The following SPAST variants were observed in gnomAD, a reference collection of about 807,000 sequenced individuals.
SPAST encodes the protein spastin.
SPAST carries 30 observed loss-of-function variants against 76.6 expected under a neutral mutation model. The ratio of observed to expected loss-of-function variants is 0.39; its 90% CI spans 0.29 to 0.53. The LOEUF is 0.53. Ranked by LOEUF, SPAST falls within the 20% of genes least tolerant of loss-of-function variation. The pLI, the probability that SPAST is intolerant of heterozygous loss-of-function variation, is 0.68. For synonymous variants in SPAST, 305 were observed against 281.0 expected, an observed-to-expected ratio of 1.09 and a Z score of -0.86; for missense variants, 717 against 770.5, an observed-to-expected ratio of 0.93 and a Z score of 0.82.
chr2:32,064,601 C>G (rs1676435551), intron 1 of SPAST, among the ~76,000 whole-genome samples: 1 of 152,120 alleles, frequency 6.6e-6, no homozygotes, highest in Non-Finnish European at 1.5e-5. Context: ...GCAGCTTCCT[C>G]TGAACCAAGG....
At chr2:32,080,633 C>G (rs1677183466) in intron 1 of SPAST, among the ~76,000 whole-genome samples, 1 of 152,020 alleles carries the variant, frequency 6.6e-6, no homozygotes, top group Non-Finnish European at 1.5e-5. Context: ...CTTTTGTGCA[C>G]TGGAGACCAT....
chr2:32,083,063 C>G (rs1214285569), intron 1 of SPAST, among the ~76,000 whole-genome samples: 1 of 151,988 alleles, frequency 6.6e-6, no homozygotes, highest in East Asian at 1.9e-4. Context: ...CCTCTGCCTC[C>G]CCGGTTCAAG....
At chr2:32,078,761 CA>C (rs1370225299) in intron 1 of SPAST, among the ~76,000 whole-genome samples, 4 of 152,186 alleles carry the variant, frequency 2.6e-5, no homozygotes, top group African/African-American at 9.7e-5. Context: ...CTTACATAAA[CA>C]TAAATATTCA....
chr2:32,091,939 A>G (rs1677735765), intron 3 of SPAST, among the ~76,000 whole-genome samples: 3 of 152,312 alleles, frequency 2.0e-5, no homozygotes, highest in Middle Eastern at 6.8e-3. Flanking sequence ...GCTAATAATA[A>G]TATCTCATAT....
chr2:32,073,005 T>G (rs1676813332), intron 1 of SPAST, among the ~76,000 whole-genome samples: 1 of 152,232 alleles, frequency 6.6e-6, no homozygotes, highest in Admixed American at 6.5e-5. Context: ...TCAAGATTAT[T>G]TACTGGCATC....
At chr2:32,126,826 TTAAAGC>T in intron 7 of SPAST, 116 bp from the exon 8 acceptor site, 1 of 677,816 alleles carries the variant, frequency 1.5e-6, no homozygotes, top group Non-Finnish European at 2.7e-6. Context: ...TGTGTTTCCT[TTAAAGC>T]TATGGGCAGC....
In SPAST at chr2:32,063,950, C is replaced by T. The variant is rs1183243810; in HGVS notation, c.119C>T (p.Pro40Leu). The T allele has an allele frequency of 1.2e-5, 20 of 1,610,632 alleles. No homozygotes were observed. The highest frequency in any genetic ancestry group is 2.5e-6 in the Non-Finnish European group (3 of 1,178,488). The change falls in exon 1 of 17, where the codon CCT (proline) becomes CTT (leucine). Residue 40 changes from proline to leucine, a missense_variant. By Grantham distance (98) the Pro-to-Leu change is moderately conservative (BLOSUM62 -3). Around this residue, in one of 3 missense-constraint regions of SPAST, gnomAD observed 543 missense variants for 445.2 expected, o/e 1.22. Transcript: ENST00000315285. ...APAPPAAGPA[P>L]PPESPHKRNL... ...GCCCCTCCCGCCGCCGGGCCGGCCC[C>T]TCCGCCCGAGTCGCCGCATAAGCGG...
chr2:32,112,700 T>TACTTG (rs1387302061), intron 4 of SPAST, among the ~76,000 whole-genome samples: 1 of 152,166 alleles, frequency 6.6e-6, no homozygotes, highest in Admixed American at 6.6e-5. Flanking sequence ...CTTCCTGATT[T>TACTTG]TATAATAGTT....
chr2:32,152,076 TTTAAC>T (rs1018992494), intron 16 of SPAST, among the ~76,000 whole-genome samples: 25 of 152,164 alleles, frequency 1.6e-4, no homozygotes, highest in African/African-American at 5.8e-4. Context: ...GTGTATCTAA[TTTAAC>T]TTTAAGTCCT....
rs1263486711 is a variant in SPAST, at chr2:32,065,734, T to G, written c.415+1488T>G. Among the ~76,000 whole-genome samples the G allele has an allele frequency of 2.0e-5, 3 of 152,202 alleles. No homozygotes were observed. The East Asian group carries it at 5.8e-4, about 29-fold the overall frequency. On this transcript the variant is annotated intron_variant, in intron 1 of 16. Coordinates refer to ENST00000315285, the MANE Select transcript of SPAST (RefSeq NM_014946.4). ...TAGTGAAAACAGAAACAATCTGCACTTCATTCATAGTGTCTGTCTCTACTG... is the reference window on the plus strand; with the variant it reads ...TAGTGAAAACAGAAACAATCTGCACGTCATTCATAGTGTCTGTCTCTACTG...
At position 32,141,992 on chromosome 2, in the gene SPAST, G is replaced by C. The variant is rs143864482; in HGVS notation, c.1536+46G>C. ...TTTTTTTGTTTTAGAGCAGAAACAA[G>C]AACTACCATCTTGACAATATTAAGT... On this transcript the variant is annotated intron_variant, in intron 13 of 16. Transcript: ENST00000315285. 221 of 1,372,238 alleles carry C rather than the reference G, an allele frequency of 1.6e-4. 2 individuals carry two copies. The African/African-American group carries it at 2.5e-3, about 16-fold the overall frequency. 85.0% of individuals were successfully genotyped at this position (1,372,238 alleles called of 1,614,324 possible). A position where few individuals can be genotyped will look rare whatever the true frequency, so the allele number is the denominator to read the frequency against.
chr2:32,081,781 C>CAA lies in SPAST; in HGVS notation c.416-5689_416-5688dup, dbSNP rs34078147. 1.5e-3 allele frequency among the ~76,000 whole-genome samples: 67 copies of CAA among 44,312 alleles called. 1 individual carries two copies. Among genetic ancestry groups the CAA allele is most frequent in the South Asian group, 2.8e-3 (2 of 712 alleles). The allele number at this position is 44,312 out of a possible 152,430, so 29.1% of individuals were successfully genotyped here. A position where few individuals can be genotyped will look rare whatever the true frequency, so the allele number is the denominator to read the frequency against. ...CCTGGGCGACAGAGTGAGACACTGT[C>CAA]AAAAAAAAAAAAAAAAAAAAAAAGG... is the stretch of plus-strand genomic sequence containing the variant. On this transcript the variant is annotated intron_variant, in intron 1 of 16. Transcript: ENST00000315285.
intron 1 of SPAST, among the ~76,000 whole-genome samples, chr2:32,087,223 C>G (rs925492178): frequency 6.6e-6 from 1 of 152,016 alleles, no homozygotes; most frequent in African/African-American, 2.4e-5. Flanking sequence ...TTCTGTAATA[C>G]AGCATTTTAG....
intron 4 of SPAST, among the ~76,000 whole-genome samples, chr2:32,104,726 G>C (rs1678254364): frequency 6.6e-6 from 1 of 152,128 alleles, no homozygotes. Flanking sequence ...AGTTTGGCTG[G>C]ATATGAAACT....
rs913336727 is a variant in SPAST at position 32,107,240 on chromosome 2, C to CT, written c.683-7388dup. Among the ~76,000 whole-genome samples the CT allele has an allele frequency of 1.0e-3, 152 of 148,992 alleles. 1 individual carries two copies. The highest frequency in any genetic ancestry group is 2.1e-3 in the African/African-American group (87 of 40,694). On this transcript the variant is annotated intron_variant, in intron 4 of 16. Transcript: ENST00000315285. ...ATCCAAAATGCTCTAAAATTCGACT[C>CT]TTTTTTTTTTGAGATGAAGTCTTCC... is the stretch of plus-strand genomic sequence containing the variant.
chr2:32,147,326 A>G (rs982048567), intron 16 of SPAST, 68 bp downstream of exon 16: 12 of 681,848 alleles, frequency 1.8e-5, no homozygotes, highest in Non-Finnish European at 3.1e-5. Flanking sequence ...ACATACATAT[A>G]TGAATGTGTG....
intron 12 of SPAST, among the ~76,000 whole-genome samples, chr2:32,137,977 A>G (rs1333549364): frequency 6.6e-6 from 1 of 152,186 alleles, no homozygotes; most frequent in Non-Finnish European, 1.5e-5. Context: ...TGTTGCTGCA[A>G]AGGACATTAT....
At chr2:32,068,325 CT>C (rs34133490) in intron 1 of SPAST, among the ~76,000 whole-genome samples, 37,952 of 132,014 alleles carry the variant, frequency 0.29, 5,040 homozygotes, top group East Asian at 0.56. Flanking sequence ...GTTGACAGCT[CT>C]TTTTTTTTTT....
chr2:32,068,602 G>A (rs1676621365), intron 1 of SPAST, among the ~76,000 whole-genome samples: 1 of 152,154 alleles, frequency 6.6e-6, no homozygotes, highest in Non-Finnish European at 1.5e-5. Flanking sequence ...AGGATTACAG[G>A]TGTGAGCCAC....
Sources: gnomAD v4.1 joint callset for allele counts (sites outside exome capture counted in the v4.1 genomes callset) on GRCh38, gnomAD v4.1.1 for gene constraint, gnomAD v4.1.1 regional missense constraint, MANE v1.5 for transcripts, NCBI Gene and HGNC (gene_info 2026-07-23, HGNC 2026-07-21) for gene names.